The following NOTCH4 variants were observed in gnomAD, a reference collection of about 807,000 sequenced individuals.
The protein encoded by NOTCH4 is neurogenic locus notch homolog protein 4.
In NOTCH4, 138 loss-of-function variants were observed where a neutral mutation model predicts 189.0. The ratio of observed to expected loss-of-function variants is 0.73; its 90% CI spans 0.64 to 0.84. NOTCH4 has a LOEUF of 0.84. Among genes scored for constraint, NOTCH4 ranks in the 40% least tolerant of loss-of-function variants. The probability of loss-of-function intolerance (pLI) is 0.00; values close to 1 mark genes in which losing one functional copy is unlikely to be tolerated. For missense variants in NOTCH4, 2,286 were observed against 2,605.4 expected, an observed-to-expected ratio of 0.88 and a Z score of 2.67; for synonymous variants, 942 against 1,032.8, an observed-to-expected ratio of 0.91 and a Z score of 1.69.
At chr6:32,214,350 G>C in intron 12 of NOTCH4, 95 bp from the exon 13 acceptor site, 1 of 1,412,560 alleles carries the variant, frequency 7.1e-7, no homozygotes, top group Non-Finnish European at 9.8e-7. Context: ...CTCTTCTTTT[G>C]GCCCTGAGAT....
chr6:32,222,392 T>G (rs941005745), intron 3 of NOTCH4, 119 bp downstream of exon 3: 89 of 879,830 alleles, frequency 1.0e-4, no homozygotes, highest in Non-Finnish European at 1.3e-4. Flanking sequence ...ATGTTGATTC[T>G]CATGGCTTCT....
intron 27 of NOTCH4, 104 bp from the exon 28 acceptor site, chr6:32,197,176 C>T: frequency 1.3e-6 from 2 of 1,522,706 alleles, no homozygotes; most frequent in African/African-American, 1.4e-5. Context: ...CCATCCTCCG[C>T]AGTTTCCCTG....
rs2127464487 is a variant in NOTCH4 at position 32,200,132 on chromosome 6, T to C, written c.4315+699A>G. Among the ~76,000 whole-genome samples the C allele has an allele frequency of 6.6e-6, 1 of 152,158 alleles. No homozygotes were observed. The highest frequency in any genetic ancestry group is 1.5e-5 in the Non-Finnish European group (1 of 67,986). ...TACTCAACCAGCAGTACGTGCCTCA[T>C]GGGGTTGTGGGGGAGGATTAAATGA... is the stretch of plus-strand genomic sequence containing the variant. On this transcript the variant is annotated intron_variant, in intron 23 of 29. Transcript: ENST00000375023. The surrounding 1 kb of genome is among the most constrained non-coding windows in gnomAD (Gnocchi z 5.0).
chr6:32,196,673 C>CG (rs1290755507), intron 28 of NOTCH4, among the ~76,000 whole-genome samples: 3 of 152,030 alleles, frequency 2.0e-5, no homozygotes, highest in Non-Finnish European at 4.4e-5. Context: ...CACGAGATTC[C>CG]CCCCCCTTTC....
rs1180629103 is a variant in NOTCH4, at chr6:32,220,979, T to A, written c.798A>T (p.Pro266=). 3 of 1,600,090 alleles carry A rather than the reference T, an allele frequency of 1.9e-6. No homozygotes were observed. Among genetic ancestry groups the A allele is most frequent in the Non-Finnish European group, 2.6e-6 (3 of 1,171,834 alleles). Residue 266 remains proline, a splice_region_variant and synonymous_variant, in exon 4 of 30, where the codon CCA becomes CCT. Coordinates refer to ENST00000375023, the MANE Select transcript of NOTCH4 (RefSeq NM_004557.4). The part of the protein sequence containing the change: ...DSTFHLCLCP[P]GFIGPDCEVN... ...CGGAGAGCCCCTGTGAGGACACACC[T>A]GGGGGACAGAGGCAGAGGTGAAAGG... is the stretch of plus-strand genomic sequence containing the variant.
rs779767756 is a variant in NOTCH4 at position 32,195,778 on chromosome 6, C to T, written c.5671G>A (p.Gly1891Ser). ...TWSVDLAARG[G>S]GAYSHCRSLS... ...CTCCGGCAATGAGAATAGGCCCCGC[C>T]CCCCCGCGCAGCCAAGTCTACGGAC... is the stretch of plus-strand genomic sequence containing the variant. The change falls in exon 30 of 30, where the codon GGC (glycine) becomes AGC (serine). Residue 1891 changes from glycine to serine, a missense_variant. Coordinates refer to ENST00000375023, the MANE Select transcript of NOTCH4 (RefSeq NM_004557.4). This position sits in a 1 kb window ranked among gnomAD's most constrained non-coding sequence, Gnocchi z 5.4. 3.7e-6 allele frequency: 6 copies of T among 1,608,042 alleles called. No individual in the cohort carries two copies. Among genetic ancestry groups the T allele is most frequent in the Middle Eastern group, 1.7e-4 (1 of 6,046 alleles).
At chr6:32,213,887 C>T (rs1471790146) in intron 13 of NOTCH4, 47 bp from the exon 14 acceptor site, 11 of 1,594,732 alleles carry the variant, frequency 6.9e-6, no homozygotes, top group African/African-American at 1.3e-5. Context: ...TCCTTCCCTC[C>T]CTCCGCTCTC....
chr6:32,197,230 G>A, intron 27 of NOTCH4, 69 bp downstream of exon 27: 1 of 1,515,930 alleles, frequency 6.6e-7, no homozygotes, highest in Non-Finnish European at 8.8e-7. Flanking sequence ...CAAACTCTAG[G>A]GGATGCTTCT....
At position 32,197,324 on chromosome 6, in the gene NOTCH4, G is replaced by C; in HGVS notation, c.5027C>G (p.Ala1676Gly). 1 of 1,530,646 alleles carries C rather than the reference G, an allele frequency of 6.5e-7. No homozygotes were observed. Among genetic ancestry groups the C allele is most frequent in the East Asian group, 2.3e-5 (1 of 44,174 alleles). 94.8% of individuals were successfully genotyped at this position (1,530,646 alleles called of 1,614,324 possible). A position where few individuals can be genotyped will look rare whatever the true frequency, so the allele number is the denominator to read the frequency against. The change falls in exon 27 of 30, where the codon GCT (alanine) becomes GGT (glycine). Residue 1676 changes from alanine to glycine, a missense_variant. By Grantham distance (60) the Ala-to-Gly change is moderately conservative. Around this residue, in one of 2 missense-constraint regions of NOTCH4, gnomAD observed 1,903 missense variants for 2,261.9 expected, o/e 0.84. Transcript: ENST00000375023. The part of the protein sequence containing the change: ...AGRTPLHAAV[A>G]ADAREVCQLL... ...CTGGCAGACCTCCCGAGCATCAGCAGCCACAGCAGCATGAAGGGGTGTGCG... is the reference window on the plus strand; with the variant it reads ...CTGGCAGACCTCCCGAGCATCAGCACCCACAGCAGCATGAAGGGGTGTGCG...
In NOTCH4 at chr6:32,219,591, C is replaced by G. The variant is rs558198242; in HGVS notation, c.1510+1G>C. 11 of 1,612,238 alleles carry G rather than the reference C, an allele frequency of 6.8e-6. No homozygotes were observed. The South Asian group carries it at 1.2e-4, about 18-fold the overall frequency. On this transcript the variant is annotated splice_donor_variant, in intron 8 of 29. Transcript: ENST00000375023. LOFTEE classifies it high-confidence loss of function. ...CACCCAAGGCCCCATCCAGCTGATACCTGGCGGGCAGAGGCAGTGGAAGGT... is the reference window on the plus strand; with the variant it reads ...CACCCAAGGCCCCATCCAGCTGATAGCTGGCGGGCAGAGGCAGTGGAAGGT...
In NOTCH4 at chr6:32,198,578, A is replaced by T; in HGVS notation, c.4618-19T>A. Reference sequence around the variant, plus strand: ...CTTCAGCCTTTGGGTAACAGCAAGGATCAGTGAAGGTTGATTTGCCCTTTC... The same window carrying T: ...CTTCAGCCTTTGGGTAACAGCAAGGTTCAGTGAAGGTTGATTTGCCCTTTC... On this transcript the variant is annotated intron_variant, in intron 25 of 29. Coordinates refer to ENST00000375023, the MANE Select transcript of NOTCH4 (RefSeq NM_004557.4). This position sits in a 1 kb window ranked among gnomAD's most constrained non-coding sequence, Gnocchi z 5.5. 6.2e-7 allele frequency: 1 copy of T among 1,612,158 alleles called. No individual in the cohort carries two copies. The highest frequency in any genetic ancestry group is 8.5e-7 in the Non-Finnish European group (1 of 1,179,436).
chr6:32,197,819 C>CTTTTTT (rs9281668), intron 26 of NOTCH4, among the ~76,000 whole-genome samples: 3 of 132,992 alleles, frequency 2.3e-5, no homozygotes, highest in Non-Finnish European at 3.2e-5. Context: ...GTGGTTTTCT[C>CTTTTTT]TTTTTTTTTT....
chr6:32,196,153 G>C lies in NOTCH4; in HGVS notation c.5299-3C>G, dbSNP rs182937662. 1.0e-4 allele frequency: 161 copies of C among 1,589,760 alleles called. 1 individual carries two copies. The East Asian group carries it at 3.4e-3, about 33-fold the overall frequency. On this transcript the variant is annotated splice_polypyrimidine_tract_variant and splice_region_variant and intron_variant, in intron 29 of 29. Transcript: ENST00000375023. Reference sequence around the variant, plus strand: ...GCCAGGAATAGCGGCGTCTGCTCCTGTACAGAAGAGCCAGGGCCGATATCA... The same window carrying C: ...GCCAGGAATAGCGGCGTCTGCTCCTCTACAGAAGAGCCAGGGCCGATATCA...
chr6:32,211,115 T>C (rs1448454067), intron 17 of NOTCH4, among the ~76,000 whole-genome samples, 179 bp from the exon 18 acceptor site: 1 of 150,688 alleles, frequency 6.6e-6, no homozygotes, highest in Non-Finnish European at 1.5e-5. Flanking sequence ...AAAAAATTGG[T>C]CGGGCGTTGT....
rs905006330 is a variant in NOTCH4 at position 32,218,214 on chromosome 6, C to T, written c.1511-106G>A. Reference sequence around the variant, plus strand: ...TGACTTGCCCCACTCAGGCGGTCCTCCCCCGAGGTGCTGTCTGCATGGGGT... The same window carrying T: ...TGACTTGCCCCACTCAGGCGGTCCTTCCCCGAGGTGCTGTCTGCATGGGGT... On this transcript the variant is annotated intron_variant, in intron 8 of 29. Coordinates refer to ENST00000375023, the MANE Select transcript of NOTCH4 (RefSeq NM_004557.4). 2.2e-5 allele frequency: 16 copies of T among 718,734 alleles called. No individual in the cohort carries two copies. In the African/African-American group the frequency reaches 2.3e-4, roughly 10 times the overall value. 44.5% of individuals were successfully genotyped at this position (718,734 alleles called of 1,614,324 possible). A position where few individuals can be genotyped will look rare whatever the true frequency, so the allele number is the denominator to read the frequency against.
chr6:32,218,257 G>A (rs1020625581), intron 8 of NOTCH4, 149 bp from the exon 9 acceptor site: 1 of 642,696 alleles, frequency 1.6e-6, no homozygotes, highest in African/African-American at 1.8e-5. Context: ...GATGAACCCT[G>A]AGGCCCTGCT....
In NOTCH4 at chr6:32,212,077, G is replaced by C. The variant is rs1364983297; in HGVS notation, c.2680+397C>G. Among the ~76,000 whole-genome samples, 1 of 152,124 alleles carries C rather than the reference G, an allele frequency of 6.6e-6. No homozygotes were observed. The highest frequency in any genetic ancestry group is 2.4e-5 in the African/African-American group (1 of 41,410). On this transcript the variant is annotated intron_variant, in intron 17 of 29. Transcript: ENST00000375023. This position sits in a 1 kb window ranked among gnomAD's most constrained non-coding sequence, Gnocchi z 4.4. ...CCTTATTTTAGTGTTCTTTTACAAAGAGGGTGGCGTGACATCGAAGTGAGT... is the reference window on the plus strand; with the variant it reads ...CCTTATTTTAGTGTTCTTTTACAAACAGGGTGGCGTGACATCGAAGTGAGT...
At position 32,199,022 on chromosome 6, in the gene NOTCH4, G is replaced by A; in HGVS notation, c.4439C>T (p.Ala1480Val). 1 of 1,612,746 alleles carries A rather than the reference G, an allele frequency of 6.2e-7. No homozygotes were observed. Among genetic ancestry groups the A allele is most frequent in the Non-Finnish European group, 8.5e-7 (1 of 1,179,884 alleles). Residue 1480 changes from alanine (A) to valine (V), a missense_variant, in exon 24 of 30, where the codon GCT becomes GTT. By Grantham distance (64) the Ala-to-Val change is moderately conservative (BLOSUM62 0). This residue lies in a region of NOTCH4 where 1,903 missense variants were observed against 2,261.9 expected (regional missense o/e 0.84). Coordinates refer to ENST00000375023, the MANE Select transcript of NOTCH4 (RefSeq NM_004557.4). The surrounding 1 kb of genome is among the most constrained non-coding windows in gnomAD (Gnocchi z 4.9). ...LIRRRRREHG[A>V]LWLPPGFTRR... ...AGTGAAACCAGGGGGCAGCCAGAGA[G>A]CTCCATGCTCTCGGCGTCGACGCCG... is the stretch of plus-strand genomic sequence containing the variant.
chr6:32,208,607 G>A (rs545298896), intron 18 of NOTCH4, among the ~76,000 whole-genome samples: 3 of 152,168 alleles, frequency 2.0e-5, no homozygotes, highest in Non-Finnish European at 4.4e-5. Context: ...GGTGGTCCAC[G>A]CCTGTGATCC....
Sources: allele counts gnomAD v4.1 joint callset (sites outside exome capture counted in the v4.1 genomes callset), GRCh38; gene constraint gnomAD v4.1.1; regional missense constraint gnomAD v4.1.1; non-coding constraint Gnocchi (gnomAD v3.1); transcripts MANE v1.5; gene names NCBI Gene and HGNC (gene_info 2026-07-23, HGNC 2026-07-21).